The following MARCHF1 variants were observed in gnomAD, a reference collection of about 807,000 sequenced individuals.
MARCHF1 encodes membrane associated ring-CH-type finger 1, also known as E3 ubiquitin-protein ligase MARCHF1.
A neutral mutation model predicts 54.2 loss-of-function variants in MARCHF1; 40 were observed. The observed-to-expected ratio is 0.74, with a 90% confidence interval of 0.57 to 0.96. The LOEUF is 0.96. Among genes scored for constraint, MARCHF1 ranks in the 40% least tolerant of loss-of-function variants. The pLI is 0.00. For synonymous variants in MARCHF1, 236 were observed against 236.3 expected (o/e 1.00, Z 0.01); for missense variants, 586 against 656.5 (o/e 0.89, Z 1.17).
intron 1 of MARCHF1, among the ~76,000 whole-genome samples, chr4:164,336,237 T>C (rs1729735938): frequency 6.6e-6 from 1 of 152,210 alleles, no homozygotes; most frequent in South Asian, 2.1e-4. Context: ...AGACAGCCCA[T>C]GTCAGATAAA....
At chr4:163,761,061 T>C (rs1053806827) in intron 4 of MARCHF1, among the ~76,000 whole-genome samples, 7 of 152,216 alleles carry the variant, frequency 4.6e-5, no homozygotes, top group African/African-American at 1.7e-4. Context: ...ATGACTCTTA[T>C]AATAGTGACA....
intron 1 of MARCHF1, among the ~76,000 whole-genome samples, chr4:164,180,367 A>G (rs767023299): frequency 2.6e-5 from 4 of 152,174 alleles, no homozygotes; most frequent in Non-Finnish European, 5.9e-5. Context: ...ATGGAAGATT[A>G]GTGCAACTAA....
At chr4:164,332,209 C>T (rs1369854378) in intron 1 of MARCHF1, among the ~76,000 whole-genome samples, 2 of 152,162 alleles carry the variant, frequency 1.3e-5, no homozygotes, top group Non-Finnish European at 2.9e-5. Flanking sequence ...TCAGCACACC[C>T]AGAGCTTACA....
intron 3 of MARCHF1, among the ~76,000 whole-genome samples, chr4:163,906,298 A>C (rs1018744731): frequency 6.6e-6 from 1 of 151,984 alleles, no homozygotes; most frequent in African/African-American, 2.4e-5. Flanking sequence ...TGAATAAATA[A>C]ATGGGGTATT....
chr4:163,899,000 A>G (rs1750878182), intron 3 of MARCHF1, among the ~76,000 whole-genome samples: 1 of 152,210 alleles, frequency 6.6e-6, no homozygotes, highest in Non-Finnish European at 1.5e-5. Flanking sequence ...CCACATGGAC[A>G]CAAAGATGGA....
At chr4:164,285,379 C>T (rs1734116853) in intron 1 of MARCHF1, among the ~76,000 whole-genome samples, 1 of 151,826 alleles carries the variant, frequency 6.6e-6, no homozygotes, top group Middle Eastern at 3.4e-3. Context: ...GCACTCCAGC[C>T]TGGGCAACAT....
intron 8 of MARCHF1, among the ~76,000 whole-genome samples, chr4:163,556,700 T>C (rs1178413088): frequency 6.6e-6 from 1 of 152,074 alleles, no homozygotes; most frequent in African/African-American, 2.4e-5. Flanking sequence ...ACTTGAAGTA[T>C]TGGTTCCAGT....
chr4:163,898,723 G>C (rs1750871592), intron 3 of MARCHF1, among the ~76,000 whole-genome samples: 1 of 152,100 alleles, frequency 6.6e-6, no homozygotes, highest in African/African-American at 2.4e-5. Context: ...ACATAAAAAA[G>C]ACACCTGCAC....
chr4:163,929,972 A>AT lies in MARCHF1; in HGVS notation c.-39+58528_-39+58529insA, dbSNP rs1560823842. Among the ~76,000 whole-genome samples, 901 of 115,626 alleles carry AT rather than the reference A, an allele frequency of 7.8e-3. 36 individuals are homozygous for AT. The highest frequency in any genetic ancestry group is 0.028 in the African/African-American group (851 of 30,392). The allele number at this position is 115,626 out of a possible 152,430, so 75.9% of individuals were successfully genotyped here. A position where few individuals can be genotyped will look rare whatever the true frequency, so the allele number is the denominator to read the frequency against. ...TATATATATTATATATAATATATATAATATATATAATATATATATAATATA... is the reference window on the plus strand; with the variant it reads ...TATATATATTATATATAATATATATATATATATATAATATATATATAATATA... On this transcript the variant is annotated intron_variant, in intron 3 of 9. Transcript: ENST00000514618.
intron 9 of MARCHF1, among the ~76,000 whole-genome samples, chr4:163,543,821 T>C (rs755748395): frequency 4.6e-5 from 7 of 152,180 alleles, no homozygotes; most frequent in Non-Finnish European, 1.0e-4. Context: ...TTCCTCTTCT[T>C]ACATCTACGA....
intron 1 of MARCHF1, among the ~76,000 whole-genome samples, chr4:164,141,271 A>G (rs1187914826): frequency 6.6e-6 from 1 of 152,174 alleles, no homozygotes; most frequent in Non-Finnish European, 1.5e-5. Context: ...ATATTTTAAG[A>G]TCATCATGGG....
intron 2 of MARCHF1, among the ~76,000 whole-genome samples, chr4:164,103,986 C>A (rs1335776960): frequency 6.6e-6 from 1 of 150,928 alleles, no homozygotes; most frequent in East Asian, 1.9e-4. Flanking sequence ...ACTACAAACA[C>A]CTCTACGCAA....
chr4:164,270,323 T>C (rs1245634805), intron 1 of MARCHF1, among the ~76,000 whole-genome samples: 1 of 152,200 alleles, frequency 6.6e-6, no homozygotes, highest in Non-Finnish European at 1.5e-5. Flanking sequence ...TCTGTGAAGC[T>C]TTCCTGCCCA....
At chr4:164,050,162 C>T (rs1413293167) in intron 2 of MARCHF1, among the ~76,000 whole-genome samples, 2 of 150,562 alleles carry the variant, frequency 1.3e-5, no homozygotes, top group African/African-American at 4.9e-5. Context: ...GTATTCCCAG[C>T]TATTCGGGAG....
chr4:163,832,860 G>A (rs745832408), intron 4 of MARCHF1, among the ~76,000 whole-genome samples: 1 of 150,246 alleles, frequency 6.7e-6, no homozygotes, highest in Non-Finnish European at 1.5e-5. Flanking sequence ...TTGTCCTTGC[G>A]ATAGTTTGCT....
At chr4:164,351,232 T>G (rs375044010) in intron 1 of MARCHF1, among the ~76,000 whole-genome samples, 4 of 149,570 alleles carry the variant, frequency 2.7e-5, no homozygotes, top group Non-Finnish European at 6.0e-5. Flanking sequence ...CAAAGCAGCC[T>G]GGAAGCTCCA....
intron 2 of MARCHF1, among the ~76,000 whole-genome samples, chr4:164,031,994 G>T (rs957635808): frequency 1.4e-4 from 21 of 152,088 alleles, no homozygotes; most frequent in African/African-American, 5.1e-4. Flanking sequence ...CTATTTAGTT[G>T]TGCCTTAATT....
intron 1 of MARCHF1, among the ~76,000 whole-genome samples, chr4:164,368,690 GA>G (rs1166219869): frequency 6.6e-6 from 1 of 152,112 alleles, no homozygotes; most frequent in East Asian, 1.9e-4. Flanking sequence ...TGTATTATTA[GA>G]AATTCACCAT....
intron 1 of MARCHF1, among the ~76,000 whole-genome samples, chr4:164,350,905 T>C (rs991256861): frequency 6.6e-6 from 1 of 151,972 alleles, no homozygotes; most frequent in Non-Finnish European, 1.5e-5. Flanking sequence ...AGTGGGTGCG[T>C]GCACCGGGCG....
Sources: gnomAD v4.1 joint callset for allele counts (sites outside exome capture counted in the v4.1 genomes callset) on GRCh38, gnomAD v4.1.1 for gene constraint, MANE v1.5 for transcripts, NCBI Gene and HGNC (gene_info 2026-07-23, HGNC 2026-07-21) for gene names.